The following ARID4B variants were observed in gnomAD, a reference collection of about 807,000 sequenced individuals.
ARID4B encodes the protein AT-rich interactive domain-containing protein 4B.
Under a neutral mutation model 147.5 loss-of-function variants are expected in ARID4B, and 26 were observed. That is an observed-to-expected ratio of 0.18 (90% CI 0.13 to 0.24). The LOEUF is 0.24. Ranked by LOEUF, ARID4B falls within the 10% of genes least tolerant of loss-of-function variation. ARID4B has a pLI of 1.00. For synonymous variants in ARID4B, 512 were observed against 507.9 expected (o/e 1.01, Z -0.11); for missense variants, 1,179 against 1,511.5 (o/e 0.78, Z 3.65).
At chr1:235,231,259 A>C in intron 9 of ARID4B, 70 bp from the exon 10 acceptor site, 1 of 802,752 alleles carries the variant, frequency 1.2e-6, no homozygotes, top group Non-Finnish European at 2.0e-6. Context: ...TTAAGAATCC[A>C]GATGATTACA....
chr1:235,282,971 G>A (rs532659262), intron 2 of ARID4B, among the ~76,000 whole-genome samples: 23 of 152,034 alleles, frequency 1.5e-4, no homozygotes, highest in African/African-American at 4.1e-4. Flanking sequence ...TAGTAGAGAC[G>A]GGGTTTCACC....
At position 235,219,940 on chromosome 1, in the gene ARID4B, A is replaced by G. The variant is rs1286084358; in HGVS notation, c.1436T>C (p.Ile479Thr). ...TTTTTCCTGATCAGAATGTGTAGGT[A>G]TAGATTCTAATAAATTCTTTTTACT... ...LGSKKNLLES[I>T]PTHSDQEKEV... is the part of the protein sequence containing the mutation. Residue 479 changes from isoleucine to threonine, a missense_variant, in exon 16 of 24, where the codon ATA (isoleucine) becomes ACA (threonine). Ile to Thr is a moderately conservative substitution (Grantham distance 89). This residue lies in a region of ARID4B where 204 missense variants were observed against 210.9 expected (regional missense o/e 0.97). Coordinates refer to ENST00000264183, the MANE Select transcript of ARID4B (RefSeq NM_016374.6). 1 of 1,552,688 alleles carries G rather than the reference A, an allele frequency of 6.4e-7. No individual in the cohort carries two copies. Among genetic ancestry groups the G allele is most frequent in the Non-Finnish European group, 8.7e-7 (1 of 1,152,266 alleles).
At chr1:235,215,263 C>A (rs184389115) in intron 16 of ARID4B, among the ~76,000 whole-genome samples, 1 of 152,172 alleles carries the variant, frequency 6.6e-6, no homozygotes, top group African/African-American at 2.4e-5. Flanking sequence ...AATCATAAAT[C>A]TTTCCAAACA....
intron 2 of ARID4B, among the ~76,000 whole-genome samples, chr1:235,303,937 T>A (rs74954895): frequency 4.4e-3 from 1 of 226 alleles, no homozygotes; most frequent in Admixed American, 0.031. Flanking sequence ...TACAGGTATT[T>A]TTTTTTGGCA....
intron 22 of ARID4B, among the ~76,000 whole-genome samples, chr1:235,174,090 A>G (rs1663672709): frequency 6.7e-6 from 1 of 150,318 alleles, no homozygotes. Context: ...CCCAGGCTGG[A>G]GTGCAGTGGC....
chr1:235,177,602 T>G lies in ARID4B; in HGVS notation c.3448+198A>C. ...CAACTCATCATTTACATTAGGTATT[T>G]GTCCTAGTGCATGTTTTTTTTTTGT... On this transcript the variant is annotated intron_variant, in intron 21 of 23. Coordinates refer to ENST00000264183, the MANE Select transcript of ARID4B (RefSeq NM_016374.6). 8.6e-6 allele frequency: 4 copies of G among 463,594 alleles called. No individual in the cohort carries two copies. In the South Asian group the frequency reaches 1.5e-4, roughly 17 times the overall value. The allele number at this position is 463,594 out of a possible 1,614,324, so 28.7% of individuals were successfully genotyped here.
chr1:235,323,653 G>A (rs1675009209), intron 2 of ARID4B, among the ~76,000 whole-genome samples: 1 of 151,760 alleles, frequency 6.6e-6, no homozygotes, highest in Non-Finnish European at 1.5e-5. Context: ...GCATGATGGT[G>A]CATGCCTATA....
chr1:235,300,620 A>T (rs1271845512), intron 2 of ARID4B, among the ~76,000 whole-genome samples: 1 of 152,160 alleles, frequency 6.6e-6, no homozygotes, highest in Non-Finnish European at 1.5e-5. Context: ...AATAAACTTC[A>T]TCATTTTTAA....
At chr1:235,224,500 A>C (rs1019036497) in intron 12 of ARID4B, among the ~76,000 whole-genome samples, 16 of 152,194 alleles carry the variant, frequency 1.1e-4, no homozygotes, top group Admixed American at 1.0e-3. Flanking sequence ...CATAGCCACA[A>C]TATCTGTCAA....
intron 2 of ARID4B, among the ~76,000 whole-genome samples, chr1:235,307,714 G>C (rs1673680984): frequency 1.3e-5 from 2 of 152,182 alleles, no homozygotes; most frequent in Admixed American, 6.5e-5. Flanking sequence ...ATGGGCCACA[G>C]TGTTTCAACG....
Position 235,220,950 on chromosome 1 carries a change from T to G in ARID4B, c.1164-405A>C, listed in dbSNP as rs1310911323. Among the ~76,000 whole-genome samples, 3 of 152,266 alleles carry G rather than the reference T, an allele frequency of 2.0e-5. No individual in the cohort carries two copies. In the East Asian group the frequency reaches 5.8e-4, roughly 29 times the overall value. ...CCTTACTCTGTTGCCCAGGCTGAAGTGCAGTGGCGCAATCTCAGCTCACTA... is the reference window on the plus strand; with the variant it reads ...CCTTACTCTGTTGCCCAGGCTGAAGGGCAGTGGCGCAATCTCAGCTCACTA... On this transcript the variant is annotated intron_variant, in intron 14 of 23. Transcript: ENST00000264183.
chr1:235,275,868 G>T (rs1401057492), intron 2 of ARID4B, among the ~76,000 whole-genome samples: 1 of 152,202 alleles, frequency 6.6e-6, no homozygotes, highest in East Asian at 1.9e-4. Context: ...TGGGCACAGT[G>T]GCTCACGCCT....
chr1:235,247,025 A>C (rs1356815923), intron 6 of ARID4B, among the ~76,000 whole-genome samples: 1 of 152,196 alleles, frequency 6.6e-6, no homozygotes, highest in Non-Finnish European at 1.5e-5. Flanking sequence ...CATTTTCTGC[A>C]ATAAACCTTT....
At chr1:235,306,563 A>G (rs866563786) in intron 2 of ARID4B, among the ~76,000 whole-genome samples, 24 of 152,108 alleles carry the variant, frequency 1.6e-4, no homozygotes, top group African/African-American at 5.8e-4. Context: ...ACTACTATTT[A>G]TTATTACAGA....
intron 17 of ARID4B, among the ~76,000 whole-genome samples, chr1:235,209,189 T>C (rs1328118738): frequency 2.6e-5 from 4 of 152,340 alleles, no homozygotes; most frequent in East Asian, 1.9e-4. Context: ...TAAAGATTTA[T>C]ACAGGTCGGG....
intron 23 of ARID4B, among the ~76,000 whole-genome samples, chr1:235,171,645 C>CTT (rs372666527): frequency 3.4e-5 from 5 of 146,222 alleles, no homozygotes; most frequent in African/African-American, 7.5e-5. Context: ...GGATAGATGT[C>CTT]TTTTTTTTTT....
chr1:235,248,046 C>T (rs1182868485), intron 6 of ARID4B, among the ~76,000 whole-genome samples: 4 of 151,802 alleles, frequency 2.6e-5, no homozygotes, highest in Admixed American at 2.6e-4. Flanking sequence ...CAGTATATAC[C>T]AAACAGAAAC....
chr1:235,241,960 T>C (rs1050313378), intron 7 of ARID4B, among the ~76,000 whole-genome samples: 2 of 152,062 alleles, frequency 1.3e-5, no homozygotes, highest in African/African-American at 2.4e-5. Context: ...TGCTATTGAA[T>C]AGAAGTACTG....
In ARID4B at chr1:235,246,119, TA is replaced by T. The variant is rs1392380864; in HGVS notation, c.446+300del. Among the ~76,000 whole-genome samples the T allele has an allele frequency of 2.6e-5, 4 of 152,106 alleles. No homozygotes were observed. The East Asian group carries it at 5.8e-4, about 22-fold the overall frequency. On this transcript the variant is annotated intron_variant, in intron 7 of 23. Coordinates refer to ENST00000264183, the MANE Select transcript of ARID4B (RefSeq NM_016374.6). ...TGGAGACCAAAAATAATAGCATGAA[TA>T]AAAGCATGATATTAGAAAACAAGCG...
Sources: gnomAD v4.1 joint callset for allele counts (sites outside exome capture counted in the v4.1 genomes callset) on GRCh38, gnomAD v4.1.1 for gene constraint, gnomAD v4.1.1 regional missense constraint, MANE v1.5 for transcripts, NCBI Gene and HGNC (gene_info 2026-07-23, HGNC 2026-07-21) for gene names.